SNAP91: variants seen among roughly 807,000 people sequenced by gnomAD.
SNAP91 encodes clathrin coat assembly protein AP180.
A neutral mutation model predicts 100.3 loss-of-function variants in SNAP91; 27 were observed. That is an observed-to-expected ratio of 0.27 (90% CI 0.20 to 0.37). SNAP91 has a LOEUF of 0.37. Ranked by LOEUF, SNAP91 falls within the 10% of genes least tolerant of loss-of-function variation. The pLI is 1.00. For missense variants in SNAP91, 986 were observed against 1,123.7 expected (o/e 0.88, Z 1.75); for synonymous variants, 404 against 398.6 (o/e 1.01, Z -0.16).
chr6:83,555,835 C>T (rs1777037697), intron 29 of SNAP91, among the ~76,000 whole-genome samples: 1 of 152,086 alleles, frequency 6.6e-6, no homozygotes. Flanking sequence ...TTCAAGTCAT[C>T]ATGTAATAAA....
intron 8 of SNAP91, among the ~76,000 whole-genome samples, chr6:83,627,449 G>T (rs2096984442): frequency 2.0e-5 from 3 of 151,986 alleles, no homozygotes; most frequent in Admixed American, 2.0e-4. Context: ...TTTTACATCT[G>T]ATAGAATTTA....
chr6:83,640,050 T>C (rs1205013730), intron 8 of SNAP91, among the ~76,000 whole-genome samples: 3 of 152,166 alleles, frequency 2.0e-5, no homozygotes, highest in Non-Finnish European at 1.5e-5. Flanking sequence ...GTATATACAA[T>C]TTACATAAGC....
rs1225535561 is a variant in SNAP91, at chr6:83,593,187, C to T, written c.1769G>A (p.Ser590Asn). Reference sequence around the variant, plus strand: ...AAGGGTTGCTTTGGTTTTACCTGTACTAAACAGGTCTATGCTAGGAGCAGC... The same window carrying T: ...AAGGGTTGCTTTGGTTTTACCTGTATTAAACAGGTCTATGCTAGGAGCAGC... ...PDAAPSIDLF[S>N]TDAFSSPPQG... Residue 590 changes from serine to asparagine, a missense_variant, in exon 19 of 30, where the codon AGT (serine) becomes AAT (asparagine). Transcript: ENST00000369694. 1 of 1,588,168 alleles carries T rather than the reference C, an allele frequency of 6.3e-7. No homozygotes were observed. The highest frequency in any genetic ancestry group is 1.2e-5 in the South Asian group (1 of 86,706).
chr6:83,561,919 C>A (rs150908661), intron 26 of SNAP91, among the ~76,000 whole-genome samples: 1 of 152,008 alleles, frequency 6.6e-6, no homozygotes, highest in African/African-American at 2.4e-5. Flanking sequence ...CTTAGCTACT[C>A]GGGAGGCTGA....
At chr6:83,653,771 T>C (rs958538027) in intron 7 of SNAP91, among the ~76,000 whole-genome samples, 7 of 152,202 alleles carry the variant, frequency 4.6e-5, no homozygotes, top group African/African-American at 1.4e-4. Context: ...AAGTGTTCCA[T>C]AGTCCTGTGT....
intron 12 of SNAP91, among the ~76,000 whole-genome samples, chr6:83,609,985 ATATAC>A (rs1367033818): frequency 6.6e-6 from 1 of 152,234 alleles, no homozygotes; most frequent in African/African-American, 2.4e-5. Context: ...ACTAAATTAC[ATATAC>A]TATACTACAT....
At chr6:83,665,366 C>T in intron 3 of SNAP91, 73 bp downstream of exon 3, 2 of 1,433,230 alleles carry the variant, frequency 1.4e-6, no homozygotes, top group East Asian at 4.6e-5. Context: ...ATTCAAAGAG[C>T]CTTAAATCAT....
intron 5 of SNAP91, among the ~76,000 whole-genome samples, chr6:83,660,828 G>C (rs1434735516): frequency 6.6e-6 from 1 of 151,032 alleles, no homozygotes; most frequent in Non-Finnish European, 1.5e-5. Context: ...GCCCAGGCTG[G>C]AGTGCAGGGG....
In SNAP91 at chr6:83,624,924, A is replaced by C. The variant is rs189558387; in HGVS notation, c.766-1582T>G. Among the ~76,000 whole-genome samples, 617 of 152,154 alleles carry C rather than the reference A, an allele frequency of 4.1e-3. 5 individuals carry two copies. The highest frequency in any genetic ancestry group is 0.014 in the African/African-American group (594 of 41,524). On this transcript the variant is annotated intron_variant, in intron 8 of 29. Transcript: ENST00000369694. ...TTTTTATTTCAGATTCAGGGGTACAAGTGCAGATTTGTTACAAGGGTACAT... is the reference window on the plus strand; with the variant it reads ...TTTTTATTTCAGATTCAGGGGTACACGTGCAGATTTGTTACAAGGGTACAT...
intron 9 of SNAP91, among the ~76,000 whole-genome samples, chr6:83,620,495 G>A (rs2096668961): frequency 6.6e-6 from 1 of 152,162 alleles, no homozygotes; most frequent in Non-Finnish European, 1.5e-5. Flanking sequence ...CAATTCACAT[G>A]CTAGCCCAGA....
intron 1 of SNAP91, chr6:83,708,240 C>T (rs988975132): frequency 3.3e-6 from 1 of 306,416 alleles, no homozygotes; most frequent in African/African-American, 2.2e-5. Flanking sequence ...CCAGACTCAC[C>T]CCCTGGGGAC....
At chr6:83,658,291 T>C (rs1424239276) in intron 6 of SNAP91, among the ~76,000 whole-genome samples, 1 of 152,070 alleles carries the variant, frequency 6.6e-6, no homozygotes, top group African/African-American at 2.4e-5. Context: ...CTTTGGTGGA[T>C]AGTGTCATTT....
chr6:83,557,513 A>G (rs1452412419), intron 28 of SNAP91, among the ~76,000 whole-genome samples: 1 of 151,028 alleles, frequency 6.6e-6, no homozygotes, highest in Non-Finnish European at 1.5e-5. Context: ...ACAAAAAATA[A>G]TAAAAAAAAA....
At chr6:83,657,331 T>C (rs763403911) in intron 6 of SNAP91, among the ~76,000 whole-genome samples, 1 of 152,174 alleles carries the variant, frequency 6.6e-6, no homozygotes, top group Non-Finnish European at 1.5e-5. Context: ...ACTGTTCACC[T>C]ATTCCAAACT....
chr6:83,564,570 G>T (rs535580678), intron 26 of SNAP91, among the ~76,000 whole-genome samples: 15 of 151,928 alleles, frequency 9.9e-5, no homozygotes, highest in African/African-American at 3.6e-4. Context: ...TCATTATGTT[G>T]CCCAGGCTAG....
At chr6:83,560,355 T>C in intron 27 of SNAP91, 147 bp from the exon 28 acceptor site, 1 of 651,090 alleles carries the variant, frequency 1.5e-6, no homozygotes, top group Non-Finnish European at 2.7e-6. Flanking sequence ...TAATTAGGGA[T>C]AATGTGAGGC....
chr6:83,614,030 A>T (rs997673151), intron 11 of SNAP91, among the ~76,000 whole-genome samples: 4 of 152,202 alleles, frequency 2.6e-5, no homozygotes, highest in Admixed American at 6.5e-5. Flanking sequence ...GCAAATGTCC[A>T]TATTTCTTTC....
Position 83,658,999 on chromosome 6 carries a change from A to T in SNAP91, c.546T>A (p.Asp182Glu). 6.3e-7 allele frequency: 1 copy of T among 1,592,788 alleles called. No homozygotes were observed. Among genetic ancestry groups the T allele is most frequent in the Non-Finnish European group, 8.6e-7 (1 of 1,167,436 alleles). The change falls in exon 6 of 30, where the codon GAT (aspartate) becomes GAA (glutamate). Residue 182 changes from aspartate to glutamate, a missense_variant and splice_region_variant. By Grantham distance (45) the Asp-to-Glu change is conservative (BLOSUM62 2). Around this residue, in one of 4 missense-constraint regions of SNAP91, gnomAD observed 330 missense variants for 447.5 expected, o/e 0.74. Coordinates refer to ENST00000369694, the MANE Select transcript of SNAP91 (RefSeq NM_001242792.2). ...QGQIDALLEF[D>E]VHPNELTNGV... ...AAACATTTTCTAGTGAGATACATAC[A>T]TCAAATTCAAGCAGTGCATCAATTT...
intron 3 of SNAP91, among the ~76,000 whole-genome samples, chr6:83,663,828 GAACTTTCTTATCTAGA>G (rs1393525796): frequency 2.6e-5 from 4 of 152,128 alleles, no homozygotes; most frequent in Admixed American, 2.6e-4. Flanking sequence ...ATGCCATCTA[GAACTTTCTTATCTAGA>G]AAGGAGAATA....
Sources: gnomAD v4.1 joint callset for allele counts (sites outside exome capture counted in the v4.1 genomes callset) on GRCh38, gnomAD v4.1.1 for gene constraint, gnomAD v4.1.1 regional missense constraint, MANE v1.5 for transcripts, NCBI Gene and HGNC (gene_info 2026-07-23, HGNC 2026-07-21) for gene names.